PTPRR: variants seen among roughly 807,000 people sequenced by gnomAD.
PTPRR encodes the protein receptor-type tyrosine-protein phosphatase R.
In PTPRR, 38 loss-of-function variants were observed where a neutral mutation model predicts 77.2. That is an observed-to-expected ratio of 0.49 (90% CI 0.38 to 0.65). The LOEUF (loss-of-function observed/expected upper bound fraction) is 0.65, where lower values mean the gene tolerates loss of function less well. Ranked by LOEUF, PTPRR falls within the 30% of genes least tolerant of loss-of-function variation. PTPRR has a pLI of 0.00. For synonymous variants in PTPRR, 299 were observed against 283.1 expected, an observed-to-expected ratio of 1.06 and a Z score of -0.57; for missense variants, 744 against 799.2, an observed-to-expected ratio of 0.93 and a Z score of 0.83.
At chr12:70,666,935 GTTTTTTTTTTTTTTTTTTTTTTTT>G (rs142691396) in intron 10 of PTPRR, among the ~76,000 whole-genome samples, 4 of 29,052 alleles carry the variant, frequency 1.4e-4, no homozygotes, top group South Asian at 6.8e-4. Context: ...GTGTTTTTCT[GTTTTTTTTTTTTTTTTTTTTTTTT>G]TTTTTTTTTT....
intron 8 of PTPRR, among the ~76,000 whole-genome samples, chr12:70,692,730 C>A (rs1010860062): frequency 6.6e-6 from 1 of 152,128 alleles, no homozygotes; most frequent in Non-Finnish European, 1.5e-5. Context: ...GGGCTCAATT[C>A]AGAAAATACT....
intron 2 of PTPRR, among the ~76,000 whole-genome samples, chr12:70,853,619 A>T (rs1303393905): frequency 3.9e-5 from 6 of 152,152 alleles, no homozygotes; most frequent in Admixed American, 2.6e-4. Context: ...GCCTGACCGC[A>T]AATATGCTTT....
At chr12:70,875,842 A>T (rs1247240456) in intron 2 of PTPRR, among the ~76,000 whole-genome samples, 2 of 152,178 alleles carry the variant, frequency 1.3e-5, no homozygotes, top group Non-Finnish European at 2.9e-5. Flanking sequence ...GAAAGAGATA[A>T]CCCAATATAC....
chr12:70,682,034 C>CTTTTTTTTTTTTTTTTTTTTTTTTT (rs578204454), intron 10 of PTPRR, among the ~76,000 whole-genome samples: 1 of 62,690 alleles, frequency 1.6e-5, no homozygotes, highest in Non-Finnish European at 2.8e-5. Context: ...TTGTTGTTCA[C>CTTTTTTTTTTTTTTTTTTTTTTTTT]TTTTTTTTTT....
At chr12:70,841,196 C>A (rs1381458060) in intron 2 of PTPRR, among the ~76,000 whole-genome samples, 1 of 151,686 alleles carries the variant, frequency 6.6e-6, no homozygotes, top group Admixed American at 6.6e-5. Flanking sequence ...CTTACCCCCC[C>A]AACAAAAAAA....
At chr12:70,767,190 A>G (rs1890846731) in intron 2 of PTPRR, among the ~76,000 whole-genome samples, 2 of 152,238 alleles carry the variant, frequency 1.3e-5, no homozygotes, top group Admixed American at 6.5e-5. Flanking sequence ...TAAATGGACT[A>G]AATGCTCCAG....
At chr12:70,760,321 T>C (rs1229034412) in intron 4 of PTPRR, among the ~76,000 whole-genome samples, 1 of 152,170 alleles carries the variant, frequency 6.6e-6, no homozygotes, top group African/African-American at 2.4e-5. Flanking sequence ...TACGTGTGGC[T>C]TTGGGATACA....
At chr12:70,651,106 C>G (rs1193300171) in intron 13 of PTPRR, among the ~76,000 whole-genome samples, 3 of 152,186 alleles carry the variant, frequency 2.0e-5, no homozygotes, top group Non-Finnish European at 4.4e-5. Context: ...GTGCCGCTTG[C>G]TTTCCCAAGA....
intron 6 of PTPRR, among the ~76,000 whole-genome samples, chr12:70,733,901 G>C (rs1340167643): frequency 1.3e-5 from 2 of 152,156 alleles, no homozygotes; most frequent in African/African-American, 4.8e-5. Flanking sequence ...TGAGAGGAGA[G>C]TGGTGCCTCA....
intron 2 of PTPRR, among the ~76,000 whole-genome samples, chr12:70,832,166 A>T (rs1005505106): frequency 2.0e-5 from 3 of 152,206 alleles, no homozygotes; most frequent in African/African-American, 7.2e-5. Flanking sequence ...GTGATGCATT[A>T]ACAAATGATT....
chr12:70,680,560 T>C (rs560526159), intron 10 of PTPRR, among the ~76,000 whole-genome samples: 2 of 152,256 alleles, frequency 1.3e-5, no homozygotes, highest in African/African-American at 4.8e-5. Context: ...TCAGGACAGG[T>C]CACCCCTGGA....
chr12:70,654,340 G>A (rs1886500692), intron 13 of PTPRR, among the ~76,000 whole-genome samples: 1 of 152,130 alleles, frequency 6.6e-6, no homozygotes, highest in African/African-American at 2.4e-5. Flanking sequence ...CACTTTGGGA[G>A]GCCAAGATGT....
chr12:70,907,586 T>C (rs1026818968), intron 1 of PTPRR, among the ~76,000 whole-genome samples: 7 of 152,208 alleles, frequency 4.6e-5, no homozygotes, highest in Non-Finnish European at 1.0e-4. Flanking sequence ...CCAGCTTTAA[T>C]AGAGTTATTT....
intron 2 of PTPRR, among the ~76,000 whole-genome samples, chr12:70,855,634 T>C (rs776351159): frequency 6.6e-6 from 1 of 152,220 alleles, no homozygotes; most frequent in African/African-American, 2.4e-5. Flanking sequence ...CCTAGCTTCT[T>C]AGACCTATGC....
intron 10 of PTPRR, among the ~76,000 whole-genome samples, chr12:70,681,514 G>A (rs1887659337): frequency 6.6e-6 from 1 of 152,168 alleles, no homozygotes; most frequent in African/African-American, 2.4e-5. Context: ...CTTGTTCTGA[G>A]CTAATACTGG....
intron 2 of PTPRR, among the ~76,000 whole-genome samples, chr12:70,832,675 A>G (rs1892234869): frequency 6.6e-6 from 1 of 152,202 alleles, no homozygotes; most frequent in African/African-American, 2.4e-5. Context: ...AGTCCCAGGG[A>G]TCATGTTGAG....
At chr12:70,746,170 C>G in intron 5 of PTPRR, 84 bp from the exon 6 acceptor site, 1 of 1,298,726 alleles carries the variant, frequency 7.7e-7, no homozygotes, top group African/African-American at 1.5e-5. Flanking sequence ...CCCTGGCCGA[C>G]AAACCAAAAT....
intron 13 of PTPRR, among the ~76,000 whole-genome samples, chr12:70,652,264 A>G (rs1325373648): frequency 2.0e-5 from 3 of 152,194 alleles, no homozygotes; most frequent in African/African-American, 4.8e-5. Context: ...ATGAGGTATG[A>G]TAGGAAAAAG....
chr12:70,738,776 T>G (rs1010111961), intron 6 of PTPRR, among the ~76,000 whole-genome samples: 1 of 152,204 alleles, frequency 6.6e-6, no homozygotes. Context: ...AGAGGGAACA[T>G]GAACTAACTG....
Sources: allele counts gnomAD v4.1 joint callset (sites outside exome capture counted in the v4.1 genomes callset), GRCh38; gene constraint gnomAD v4.1.1; transcripts MANE v1.5; gene names NCBI Gene and HGNC (gene_info 2026-07-23, HGNC 2026-07-21).